The following PDGFD variants were observed in gnomAD, a reference collection of about 807,000 sequenced individuals.
PDGFD encodes platelet-derived growth factor D.
Under a neutral mutation model 44.7 loss-of-function variants are expected in PDGFD, and 30 were observed. The observed-to-expected ratio is 0.67, with a 90% confidence interval of 0.50 to 0.91. PDGFD has a LOEUF of 0.91. Among genes scored for constraint, PDGFD ranks in the 40% least tolerant of loss-of-function variants. PDGFD has a pLI of 0.00. For synonymous variants in PDGFD, 173 were observed against 168.4 expected (o/e 1.03, Z -0.21); for missense variants, 445 against 457.8 (o/e 0.97, Z 0.25).
chr11:104,148,136 T>A (rs17102111), intron 1 of PDGFD, among the ~76,000 whole-genome samples: 1 of 152,146 alleles, frequency 6.6e-6, no homozygotes, highest in Non-Finnish European at 1.5e-5. Flanking sequence ...TAAGTTTTTT[T>A]AACAGAATAC....
chr11:104,036,904 C>T (rs142068013), intron 1 of PDGFD: 19 of 1,614,032 alleles, frequency 1.2e-5, no homozygotes, highest in Non-Finnish European at 1.4e-5. Flanking sequence ...CTTTGAGCTC[C>T]GAAACTTCAA....
At chr11:103,948,655 T>C (rs1466159557) in intron 3 of PDGFD, among the ~76,000 whole-genome samples, 1 of 152,150 alleles carries the variant, frequency 6.6e-6, no homozygotes, top group Non-Finnish European at 1.5e-5. Context: ...TGCTGAGAAA[T>C]GTTCAGCCAC....
At chr11:104,110,777 A>G (rs779012269) in intron 1 of PDGFD, among the ~76,000 whole-genome samples, 3 of 152,118 alleles carry the variant, frequency 2.0e-5, no homozygotes, top group Non-Finnish European at 2.9e-5. Context: ...CTAGGAGGTT[A>G]AGTGTTGGGT....
chr11:104,153,007 A>G (rs1281985100), intron 1 of PDGFD, among the ~76,000 whole-genome samples: 1 of 152,114 alleles, frequency 6.6e-6, no homozygotes, highest in African/African-American at 2.4e-5. Flanking sequence ...ATATGTTTCT[A>G]TCTTACCTTC....
intron 3 of PDGFD, among the ~76,000 whole-genome samples, chr11:103,954,382 C>T (rs12274248): frequency 0.039 from 6,009 of 152,224 alleles, 390 homozygotes; most frequent in African/African-American, 0.14. Flanking sequence ...GACAGCTGTT[C>T]ACAGACCAAT....
intron 1 of PDGFD, among the ~76,000 whole-genome samples, chr11:104,088,805 TG>T (rs772930552): frequency 6.6e-6 from 1 of 152,120 alleles, no homozygotes; most frequent in Non-Finnish European, 1.5e-5. Flanking sequence ...TGTTCTCAGC[TG>T]GGTAAGCACT....
intron 1 of PDGFD, among the ~76,000 whole-genome samples, chr11:104,004,116 T>TAA (rs1859663008): frequency 6.6e-6 from 1 of 152,118 alleles, no homozygotes; most frequent in African/African-American, 2.4e-5. Flanking sequence ...AAAACATCAT[T>TAA]AAAGTCTACA....
At chr11:104,063,262 G>C (rs1860739727) in intron 1 of PDGFD, among the ~76,000 whole-genome samples, 1 of 151,838 alleles carries the variant, frequency 6.6e-6, no homozygotes, top group Non-Finnish European at 1.5e-5. Flanking sequence ...ATCTCTATAA[G>C]AGTCCTTTAC....
intron 6 of PDGFD, among the ~76,000 whole-genome samples, chr11:103,916,637 A>G (rs1238014843): frequency 6.6e-6 from 1 of 152,216 alleles, no homozygotes; most frequent in Non-Finnish European, 1.5e-5. Flanking sequence ...ACACATGCAC[A>G]CATATGTTTA....
rs1417139596 is a variant in PDGFD at position 103,985,102 on chromosome 11, A to T, written c.510+10963T>A. 3.3e-4 allele frequency among the ~76,000 whole-genome samples: 30 copies of T among 89,968 alleles called. 3 individuals carry two copies. The highest frequency in any genetic ancestry group is 1.4e-3 in the African/African-American group (29 of 21,352). 59.0% of individuals were successfully genotyped at this position (89,968 alleles called of 152,430 possible). ...ATATTTATTTAATATATTATATATT[A>T]ATTTATTTAATATATAATATATTAA... On this transcript the variant is annotated intron_variant, in intron 3 of 6. Coordinates refer to ENST00000393158, the MANE Select transcript of PDGFD (RefSeq NM_025208.5).
intron 1 of PDGFD, among the ~76,000 whole-genome samples, chr11:104,162,093 T>C (rs925849322): frequency 2.0e-5 from 3 of 151,752 alleles, no homozygotes; most frequent in Middle Eastern, 3.4e-3. Context: ...ACTGAACAGA[T>C]GTATGGAGAT....
At chr11:103,995,286 G>C (rs1310204723) in intron 3 of PDGFD, among the ~76,000 whole-genome samples, 1 of 152,156 alleles carries the variant, frequency 6.6e-6, no homozygotes, top group Non-Finnish European at 1.5e-5. Flanking sequence ...ATCTACCAGA[G>C]TGCCTGACAA....
chr11:104,081,753 C>T (rs966356881), intron 1 of PDGFD, among the ~76,000 whole-genome samples: 1 of 152,054 alleles, frequency 6.6e-6, no homozygotes, highest in African/African-American at 2.4e-5. Flanking sequence ...CCAGTATTTT[C>T]CATTTTATGG....
intron 6 of PDGFD, among the ~76,000 whole-genome samples, chr11:103,924,539 G>T (rs191107152): frequency 2.0e-5 from 3 of 152,278 alleles, no homozygotes; most frequent in African/African-American, 4.8e-5. Context: ...TATGTTCCAT[G>T]TAGGGCTAAA....
At chr11:104,119,602 T>G (rs1861732773) in intron 1 of PDGFD, among the ~76,000 whole-genome samples, 1 of 95,006 alleles carries the variant, frequency 1.1e-5, no homozygotes, top group Non-Finnish European at 1.8e-5. Context: ...ATATATAATA[T>G]ATTAATATAA....
chr11:104,163,427 C>T (rs1862416897), intron 1 of PDGFD, among the ~76,000 whole-genome samples: 1 of 152,100 alleles, frequency 6.6e-6, no homozygotes, highest in Non-Finnish European at 1.5e-5. Flanking sequence ...TGACTCCTTC[C>T]ACCTATCAAA....
At chr11:103,938,256 T>G (rs1027157339) in intron 5 of PDGFD, among the ~76,000 whole-genome samples, 2 of 152,224 alleles carry the variant, frequency 1.3e-5, no homozygotes, top group South Asian at 2.1e-4. Flanking sequence ...CTAACTGGTG[T>G]GAGATGGTAT....
chr11:104,014,169 GTCTGTTTCTCTACA>G (rs1859826093), intron 1 of PDGFD, among the ~76,000 whole-genome samples: 1 of 152,196 alleles, frequency 6.6e-6, no homozygotes, highest in African/African-American at 2.4e-5. Flanking sequence ...AATATTCTAT[GTCTGTTTCTCTACA>G]TTTTTGCTTC....
intron 3 of PDGFD, among the ~76,000 whole-genome samples, chr11:103,983,403 A>G (rs1859303637): frequency 6.6e-6 from 1 of 151,508 alleles, no homozygotes; most frequent in South Asian, 2.1e-4. Flanking sequence ...TTCTTACACC[A>G]TATACAAAAA....
Sources: allele counts gnomAD v4.1 joint callset (sites outside exome capture counted in the v4.1 genomes callset), GRCh38; gene constraint gnomAD v4.1.1; transcripts MANE v1.5; gene names NCBI Gene and HGNC (gene_info 2026-07-23, HGNC 2026-07-21).